The following SHISA9 variants were observed in gnomAD, a reference collection of about 807,000 sequenced individuals.
SHISA9 encodes protein shisa-9.
A neutral mutation model predicts 38.0 loss-of-function variants in SHISA9; 13 were observed. The ratio of observed to expected loss-of-function variants is 0.34; its 90% CI spans 0.22 to 0.54. SHISA9 has a LOEUF of 0.54. Ranked by LOEUF, SHISA9 falls within the 20% of genes least tolerant of loss-of-function variation. The pLI is 0.91. For missense variants in SHISA9, 538 were observed against 575.8 expected, an observed-to-expected ratio of 0.93 and a Z score of 0.67; for synonymous variants, 275 against 242.0, an observed-to-expected ratio of 1.14 and a Z score of -1.27.
chr16:13,527,434 A>G, the SHISA9 span, among the ~76,000 whole-genome samples: 11 of 152,316 alleles, frequency 7.2e-5, no homozygotes, highest in African/African-American at 1.7e-4. Flanking sequence ...CTTCACTGAG[A>G]GCCCAGAGTT....
chr16:12,954,107 A>C (rs538521430), intron 2 of SHISA9, among the ~76,000 whole-genome samples: 1 of 152,186 alleles, frequency 6.6e-6, no homozygotes, highest in Non-Finnish European at 1.5e-5. Context: ...GAGATGATTT[A>C]AGACTTGAAG....
chr16:13,503,375 CAAT>C, the SHISA9 span, among the ~76,000 whole-genome samples: 1 of 152,122 alleles, frequency 6.6e-6, no homozygotes, highest in Non-Finnish European at 1.5e-5. Flanking sequence ...GGGCTTAAAA[CAAT>C]AATAATTTAT....
chr16:13,050,678 A>G (rs1329331263), intron 2 of SHISA9, among the ~76,000 whole-genome samples: 1 of 152,240 alleles, frequency 6.6e-6, no homozygotes, highest in East Asian at 1.9e-4. Flanking sequence ...TGTAATAAAA[A>G]AATGCAGTAA....
chr16:13,099,079 G>A (rs1030002240), intron 2 of SHISA9, among the ~76,000 whole-genome samples: 2 of 152,252 alleles, frequency 1.3e-5, no homozygotes, highest in Non-Finnish European at 1.5e-5. Context: ...TGGCCTTCAG[G>A]CCAAATCCAG....
chr16:12,938,655 G>T (rs11641756), intron 2 of SHISA9, among the ~76,000 whole-genome samples: 2 of 151,842 alleles, frequency 1.3e-5, no homozygotes, highest in African/African-American at 4.8e-5. Flanking sequence ...CTGCCACCAC[G>T]CCCAGCTAAT....
chr16:13,139,853 C>A (rs910001972), intron 2 of SHISA9, among the ~76,000 whole-genome samples: 1 of 152,164 alleles, frequency 6.6e-6, no homozygotes, highest in East Asian at 1.9e-4. Context: ...TCAGAAGAGG[C>A]AGGCCTTGCT....
chr16:13,336,216 A>G, the SHISA9 span, among the ~76,000 whole-genome samples: 4 of 152,172 alleles, frequency 2.6e-5, no homozygotes, highest in Admixed American at 2.6e-4. Context: ...CTCCAATTCA[A>G]AAGTGAAGAA....
chr16:13,125,355 A>T (rs1294840789), intron 2 of SHISA9, among the ~76,000 whole-genome samples: 1 of 152,190 alleles, frequency 6.6e-6, no homozygotes, highest in Non-Finnish European at 1.5e-5. Flanking sequence ...CCCTAATGGG[A>T]TGAGGTGTCC....
chr16:13,203,464 C>T lies in SHISA9; in HGVS notation c.762C>T (p.Tyr254=), dbSNP rs759796304. The change falls in exon 3 of 5, where the codon TAC becomes TAT. Residue 254 remains tyrosine, a synonymous_variant. Coordinates refer to ENST00000558583, the MANE Select transcript of SHISA9 (RefSeq NM_001145204.3). ...LLQQMGHPHS[Y]PNLGQISNPY... is the part of the protein sequence containing the mutation. ...AGCAGATGGGCCATCCACATTCGTA[C>T]CCGAACCTGGGCCAGATCTCCAACC... 130 of 1,551,286 alleles carry T rather than the reference C, an allele frequency of 8.4e-5. 3 individuals are homozygous for T. The South Asian group carries it at 1.2e-3, about 15-fold the overall frequency.
intron 4 of SHISA9, among the ~76,000 whole-genome samples, chr16:13,234,673 A>G (rs576201435): frequency 3.3e-4 from 50 of 152,348 alleles, no homozygotes; most frequent in African/African-American, 1.0e-3. Context: ...CTTTTCTCTA[A>G]TGAAAATGTA....
chr16:13,195,584 G>A (rs1478735033), intron 2 of SHISA9, among the ~76,000 whole-genome samples: 1 of 152,106 alleles, frequency 6.6e-6, no homozygotes, highest in Non-Finnish European at 1.5e-5. Context: ...TCTTTCCAAA[G>A]AGTAAAATGT....
At chr16:13,104,460 A>G (rs544294152) in intron 2 of SHISA9, among the ~76,000 whole-genome samples, 9 of 152,362 alleles carry the variant, frequency 5.9e-5, no homozygotes, top group Admixed American at 1.3e-4. Context: ...ATGTCAATCA[A>G]TTAGTAAATG....
the SHISA9 span, among the ~76,000 whole-genome samples, chr16:13,346,636 GTTTGTA>G: frequency 2.0e-5 from 3 of 152,078 alleles, no homozygotes; most frequent in African/African-American, 4.8e-5. Context: ...TATTATTTAT[GTTTGTA>G]TTTGTATAAT....
chr16:13,060,878 T>C (rs954883482), intron 2 of SHISA9, among the ~76,000 whole-genome samples: 3 of 152,156 alleles, frequency 2.0e-5, no homozygotes, highest in African/African-American at 2.4e-5. Flanking sequence ...GTTAGGGCTA[T>C]GCAAAGAGTA....
the SHISA9 span, among the ~76,000 whole-genome samples, chr16:13,258,604 A>T: frequency 1.3e-5 from 2 of 152,216 alleles, no homozygotes; most frequent in Non-Finnish European, 2.9e-5. Flanking sequence ...TGGGAACAAA[A>T]AGAGGCTTAG....
At chr16:12,962,848 T>G (rs1309588221) in intron 2 of SHISA9, among the ~76,000 whole-genome samples, 1 of 152,214 alleles carries the variant, frequency 6.6e-6, no homozygotes, top group Non-Finnish European at 1.5e-5. Flanking sequence ...AGGTGTATCT[T>G]GTTGGGCCTG....
chr16:13,437,628 A>C, the SHISA9 span, among the ~76,000 whole-genome samples: 1 of 152,120 alleles, frequency 6.6e-6, no homozygotes, highest in Non-Finnish European at 1.5e-5. Context: ...TCTACTGAGA[A>C]GATCCTGATA....
At chr16:13,198,366 G>A (rs2050970488) in intron 2 of SHISA9, among the ~76,000 whole-genome samples, 1 of 150,184 alleles carries the variant, frequency 6.7e-6, no homozygotes, top group Admixed American at 6.6e-5. Flanking sequence ...ACTTGTATGT[G>A]TATGTACATA....
rs148706323 is a variant in SHISA9, at chr16:13,217,299, T to A, written c.895+3999T>A. On this transcript the variant is annotated intron_variant, in intron 4 of 4. Coordinates refer to ENST00000558583, the MANE Select transcript of SHISA9 (RefSeq NM_001145204.3). Reference sequence around the variant, plus strand: ...TCTCAAAATAAATAAATAAATAAATTAATTAATTAAAATAAAATCCACCCT... The same window carrying A: ...TCTCAAAATAAATAAATAAATAAATAAATTAATTAAAATAAAATCCACCCT... Among the ~76,000 whole-genome samples the A allele has an allele frequency of 2.1e-3, 312 of 151,924 alleles. 1 individual carries two copies. The highest frequency in any genetic ancestry group is 0.014 in the East Asian group (70 of 5,158).
Sources: allele counts gnomAD v4.1 joint callset (sites outside exome capture counted in the v4.1 genomes callset), GRCh38; gene constraint gnomAD v4.1.1; transcripts MANE v1.5; gene names NCBI Gene and HGNC (gene_info 2026-07-23, HGNC 2026-07-21).